TNIK: variants seen among roughly 807,000 people sequenced by gnomAD.
The protein encoded by TNIK is TRAF2 and NCK-interacting protein kinase.
Under a neutral mutation model 191.3 loss-of-function variants are expected in TNIK, and 49 were observed. That is an observed-to-expected ratio of 0.26 (90% CI 0.20 to 0.32). The LOEUF is 0.32. Among genes scored for constraint, TNIK ranks in the 10% least tolerant of loss-of-function variants. The pLI, the probability that TNIK is intolerant of heterozygous loss-of-function variation, is 1.00. For missense variants in TNIK, 1,155 were observed against 1,702.3 expected (o/e 0.68, Z 5.66); for synonymous variants, 594 against 600.9 (o/e 0.99, Z 0.17).
At chr3:171,071,125 T>C in intron 29 of TNIK, 98 bp downstream of exon 29, 3 of 772,188 alleles carry the variant, frequency 3.9e-6, no homozygotes, top group Non-Finnish European at 5.8e-6. Flanking sequence ...TTATTATCTA[T>C]ATGAAAATTG....
chr3:171,125,681 C>G (rs1309379985), intron 17 of TNIK, among the ~76,000 whole-genome samples: 1 of 152,154 alleles, frequency 6.6e-6, no homozygotes, highest in African/African-American at 2.4e-5. Flanking sequence ...GACGTAGGAT[C>G]TGTGCTTCAA....
At chr3:171,192,804 T>C (rs903029000) in intron 5 of TNIK, among the ~76,000 whole-genome samples, 5 of 152,206 alleles carry the variant, frequency 3.3e-5, no homozygotes, top group Non-Finnish European at 7.3e-5. Flanking sequence ...AAAACAGAGA[T>C]AAACGTCAGA....
intron 2 of TNIK, 115 bp from the exon 3 acceptor site, chr3:171,228,336 G>T: frequency 9.9e-7 from 1 of 1,012,656 alleles, no homozygotes; most frequent in Non-Finnish European, 1.5e-6. Context: ...AATGGGGGGA[G>T]AGAGAAAGAC....
At chr3:171,348,118 T>C (rs1034564757) in intron 2 of TNIK, among the ~76,000 whole-genome samples, 1 of 152,194 alleles carries the variant, frequency 6.6e-6, no homozygotes, top group African/African-American at 2.4e-5. Context: ...CAATTTCTTC[T>C]CTTGAGCACA....
At chr3:171,293,713 T>C (rs1433327938) in intron 2 of TNIK, among the ~76,000 whole-genome samples, 1 of 152,260 alleles carries the variant, frequency 6.6e-6, no homozygotes, top group Non-Finnish European at 1.5e-5. Flanking sequence ...GTAGTGATAT[T>C]GTTTTTTATT....
chr3:171,128,906 A>AC, intron 15 of TNIK, 28 bp from the exon 16 acceptor site: 1 of 1,505,964 alleles, frequency 6.6e-7, no homozygotes, highest in South Asian at 1.3e-5. Flanking sequence ...AAAAAAAAAA[A>AC]AGACAGCCTC....
intron 19 of TNIK, among the ~76,000 whole-genome samples, chr3:171,110,039 G>A (rs1420139784): frequency 1.3e-5 from 2 of 152,030 alleles, no homozygotes; most frequent in African/African-American, 4.8e-5. Context: ...CGAGTAGCTG[G>A]GATTACAGGC....
At chr3:171,342,632 A>G (rs1757652109) in intron 2 of TNIK, among the ~76,000 whole-genome samples, 1 of 152,260 alleles carries the variant, frequency 6.6e-6, no homozygotes, top group Non-Finnish European at 1.5e-5. Flanking sequence ...GTATTAGAAT[A>G]TAACCCAATG....
At chr3:171,267,348 G>A (rs1340462142) in intron 2 of TNIK, among the ~76,000 whole-genome samples, 2 of 152,166 alleles carry the variant, frequency 1.3e-5, no homozygotes, top group African/African-American at 4.8e-5. Context: ...CAGGTTCTGA[G>A]AGAAAGTAAA....
chr3:171,434,463 ATTTATTT>A lies in TNIK; in HGVS notation c.57+25537_57+25543del, dbSNP rs1412679447. On this transcript the variant is annotated intron_variant, in intron 1 of 32. Coordinates refer to ENST00000436636, the MANE Select transcript of TNIK (RefSeq NM_015028.4). ...TTTTTACTTATTTATTTATTTATTT[ATTTATTT>A]TTTTTGAGACAAAGTCTTGCTCTGT... Among the ~76,000 whole-genome samples the A allele has an allele frequency of 1.2e-3, 176 of 147,416 alleles. 2 individuals are homozygous for A. The highest frequency in any genetic ancestry group is 4.2e-3 in the African/African-American group (161 of 38,298).
chr3:171,087,845 G>A (rs1277586358), intron 23 of TNIK, among the ~76,000 whole-genome samples: 2 of 152,148 alleles, frequency 1.3e-5, no homozygotes, highest in Admixed American at 6.5e-5. Context: ...TACTTGTGCT[G>A]TATGCACCTG....
intron 1 of TNIK, among the ~76,000 whole-genome samples, chr3:171,385,568 G>A (rs909845595): frequency 6.6e-6 from 1 of 152,102 alleles, no homozygotes; most frequent in Non-Finnish European, 1.5e-5. Flanking sequence ...GCAGGAAATC[G>A]ATACAAACTG....
At chr3:171,114,980 C>T (rs566945834) in intron 18 of TNIK, among the ~76,000 whole-genome samples, 6 of 152,200 alleles carry the variant, frequency 3.9e-5, no homozygotes, top group African/African-American at 1.4e-4. Flanking sequence ...TTCCACACTG[C>T]CCTGTTTTAT....
intron 30 of TNIK, among the ~76,000 whole-genome samples, chr3:171,067,838 A>G (rs1718664256): frequency 6.6e-6 from 1 of 152,208 alleles, no homozygotes; most frequent in South Asian, 2.1e-4. Flanking sequence ...GTTACACCTT[A>G]GCTGCCTCAC....
At chr3:171,277,401 T>G (rs1283541541) in intron 2 of TNIK, among the ~76,000 whole-genome samples, 3 of 152,006 alleles carry the variant, frequency 2.0e-5, no homozygotes, top group Non-Finnish European at 4.4e-5. Flanking sequence ...ACATTCAGAA[T>G]AGCTAAAAGA....
intron 2 of TNIK, among the ~76,000 whole-genome samples, chr3:171,368,373 G>A (rs945428256): frequency 6.6e-6 from 1 of 152,168 alleles, no homozygotes; most frequent in Non-Finnish European, 1.5e-5. Context: ...GTTCAATCCA[G>A]TTTCTCAAAA....
intron 2 of TNIK, among the ~76,000 whole-genome samples, chr3:171,350,916 A>G (rs550472001): frequency 2.0e-5 from 3 of 152,278 alleles, no homozygotes; most frequent in African/African-American, 4.8e-5. Flanking sequence ...GCTGCTTCCC[A>G]TAATAATAAC....
intron 1 of TNIK, among the ~76,000 whole-genome samples, chr3:171,390,560 G>A (rs559887043): frequency 6.6e-6 from 1 of 152,260 alleles, no homozygotes; most frequent in Admixed American, 6.5e-5. Context: ...TCAATTAATG[G>A]AACTAAATGC....
chr3:171,131,472 A>G (rs868489681), intron 15 of TNIK, among the ~76,000 whole-genome samples: 2 of 150,488 alleles, frequency 1.3e-5, no homozygotes, highest in South Asian at 4.2e-4. Context: ...TCTAGTAAAA[A>G]TTTCTTATGC....
Sources: allele counts gnomAD v4.1 joint callset (sites outside exome capture counted in the v4.1 genomes callset), GRCh38; gene constraint gnomAD v4.1.1; transcripts MANE v1.5; gene names NCBI Gene and HGNC (gene_info 2026-07-23, HGNC 2026-07-21).